IGSF11: variants seen among roughly 807,000 people sequenced by gnomAD.
IGSF11 encodes the protein immunoglobulin superfamily member 11.
In IGSF11, 22 loss-of-function variants were observed where a neutral mutation model predicts 41.0. That is an observed-to-expected ratio of 0.54 (90% CI 0.38 to 0.77). IGSF11 has a LOEUF of 0.77. Among genes scored for constraint, IGSF11 ranks in the 30% least tolerant of loss-of-function variants. The pLI, the probability that IGSF11 is intolerant of heterozygous loss-of-function variation, is 0.00. For synonymous variants in IGSF11, 219 were observed against 201.3 expected (o/e 1.09, Z -0.74); for missense variants, 444 against 530.8 (o/e 0.84, Z 1.61).
In IGSF11 at chr3:118,921,334, G is replaced by A. The variant is rs553887899; in HGVS notation, c.580+4767C>T. Among the ~76,000 whole-genome samples the A allele has an allele frequency of 2.0e-4, 31 of 152,248 alleles. No individual in the cohort carries two copies. The South Asian group carries it at 3.9e-3, about 19-fold the overall frequency. On this transcript the variant is annotated intron_variant, in intron 4 of 6. Coordinates refer to ENST00000393775, the MANE Select transcript of IGSF11 (RefSeq NM_001015887.3). The stretch of plus-strand genomic sequence containing the variant: ...CTTAACAAACATTGGCGGGAGGGAG[G>A]AAGGAAATTTATGCAAGTTACAAAA...
intron 1 of IGSF11, among the ~76,000 whole-genome samples, chr3:119,110,237 A>T (rs945129690): frequency 7.2e-5 from 11 of 152,022 alleles, no homozygotes; most frequent in African/African-American, 2.7e-4. Flanking sequence ...GTCTCTTTGT[A>T]GGTCACTCAG....
chr3:119,000,373 T>C (rs1016603575), intron 1 of IGSF11, among the ~76,000 whole-genome samples: 2 of 150,716 alleles, frequency 1.3e-5, no homozygotes, highest in African/African-American at 4.9e-5. Flanking sequence ...AACTGCCTAA[T>C]TGACACCCTT....
rs1315057144 is a variant in IGSF11 at position 118,900,948 on chromosome 3, C to T, written c.*1572G>A. The T allele has an allele frequency of 1.3e-5, 2 of 152,492 alleles. No homozygotes were observed. Among genetic ancestry groups the T allele is most frequent in the Admixed American group, 6.6e-5 (1 of 15,250 alleles). 9.4% of individuals were successfully genotyped at this position (152,492 alleles called of 1,614,324 possible). A position where few individuals can be genotyped will look rare whatever the true frequency, so the allele number is the denominator to read the frequency against. ...GCAGCTGTTGGTTTCCATTCATTCA[C>T]ATAACTGAAAAAAATGTCAGGAAGC... On this transcript the variant is annotated 3_prime_UTR_variant, in exon 7 of 7. Coordinates refer to ENST00000393775, the MANE Select transcript of IGSF11 (RefSeq NM_001015887.3).
upstream of IGSF11, among the ~76,000 whole-genome samples, chr3:119,109,540 G>C (rs1446939376): frequency 6.6e-6 from 1 of 151,930 alleles, no homozygotes; most frequent in Non-Finnish European, 1.5e-5. Context: ...CGAAAAACCA[G>C]CTCCTGGATT....
intron 1 of IGSF11, among the ~76,000 whole-genome samples, chr3:119,090,554 G>C (rs1216142624): frequency 6.6e-6 from 1 of 152,068 alleles, no homozygotes; most frequent in Non-Finnish European, 1.5e-5. Context: ...TAATGGAACA[G>C]AATTTAAAAA....
intron 1 of IGSF11, among the ~76,000 whole-genome samples, chr3:119,135,486 A>C (rs1173949670): frequency 6.6e-6 from 1 of 152,260 alleles, no homozygotes; most frequent in Non-Finnish European, 1.5e-5. Flanking sequence ...TGGTCATCAG[A>C]GAAATGCAAA....
At chr3:119,094,463 G>A (rs2076816961) in intron 1 of IGSF11, among the ~76,000 whole-genome samples, 1 of 151,822 alleles carries the variant, frequency 6.6e-6, no homozygotes, top group African/African-American at 2.4e-5. Flanking sequence ...CCTTCTGACA[G>A]ATGTAACAAC....
intron 1 of IGSF11, among the ~76,000 whole-genome samples, chr3:119,043,728 A>G (rs1008196221): frequency 6.6e-6 from 1 of 152,170 alleles, no homozygotes; most frequent in Non-Finnish European, 1.5e-5. Flanking sequence ...GGATCACAAC[A>G]TAGGACTTTT....
At chr3:119,137,757 T>C (rs1375024534) in intron 1 of IGSF11, among the ~76,000 whole-genome samples, 3 of 151,790 alleles carry the variant, frequency 2.0e-5, no homozygotes, top group African/African-American at 7.3e-5. Context: ...AAAGAAACAA[T>C]GAAGTGAATA....
chr3:118,987,589 C>CA (rs546341512), intron 1 of IGSF11, among the ~76,000 whole-genome samples: 9 of 152,156 alleles, frequency 5.9e-5, no homozygotes, highest in Non-Finnish European at 1.2e-4. Flanking sequence ...GCTCATCACT[C>CA]AGAGAGTTAA....
Position 119,048,195 on chromosome 3 carries a change from T to C in IGSF11, c.49+56949A>G, listed in dbSNP as rs373887369. Among the ~76,000 whole-genome samples, 79 of 152,138 alleles carry C rather than the reference T, an allele frequency of 5.2e-4. 2 individuals carry two copies. The East Asian group carries it at 7.5e-3, about 15-fold the overall frequency. ...TGACACACAAAACGCTTCAAAAAAT[T>C]AATGAATCCAGGAGCTGGTTTTTTG... On this transcript the variant is annotated intron_variant, in intron 1 of 6. Transcript: ENST00000354673.
At chr3:119,134,425 C>A (rs1576838146) in intron 1 of IGSF11, among the ~76,000 whole-genome samples, 1 of 152,058 alleles carries the variant, frequency 6.6e-6, no homozygotes, top group African/African-American at 2.4e-5. Flanking sequence ...CAATAACAGA[C>A]AAACAGAGAG....
chr3:118,924,985 C>T (rs1942163353), intron 4 of IGSF11, among the ~76,000 whole-genome samples: 1 of 152,106 alleles, frequency 6.6e-6, no homozygotes, highest in African/African-American at 2.4e-5. Context: ...ACAAATCATT[C>T]CACAAAAGCA....
At position 118,905,692 on chromosome 3, in the gene IGSF11, G is replaced by A. The variant is rs779100034; in HGVS notation, c.607C>T (p.Arg203Trp). 6.6e-5 allele frequency: 106 copies of A among 1,613,662 alleles called. No homozygotes were observed. Among genetic ancestry groups the A allele is most frequent in the Non-Finnish European group, 6.3e-5 (74 of 1,179,768 alleles). ...QDQVQGTVTI[R>W]NISALSSGLY... ...CCTGAAGACAGGGCACTGATGTTCC[G>A]GATGGTGACTGTTCCCTGGACCTGG... The change falls in exon 5 of 7, where the codon CGG becomes TGG. Residue 203 changes from arginine to tryptophan, a missense_variant. By Grantham distance (101) the Arg-to-Trp change is moderately radical (BLOSUM62 -3). Around this residue, in one of 3 missense-constraint regions of IGSF11, gnomAD observed 193 missense variants for 283.5 expected, o/e 0.68. Transcript: ENST00000393775.
chr3:118,942,875 G>T (rs1185035934), intron 1 of IGSF11, among the ~76,000 whole-genome samples: 1 of 152,164 alleles, frequency 6.6e-6, no homozygotes, highest in Admixed American at 6.5e-5. Context: ...GGCAGAGGAG[G>T]TAGGAGGGGC....
intron 1 of IGSF11, among the ~76,000 whole-genome samples, chr3:118,942,317 C>CTTTA (rs760517050): frequency 1.1e-4 from 16 of 152,180 alleles, no homozygotes; most frequent in Non-Finnish European, 2.4e-4. Context: ...AATGCCAAAA[C>CTTTA]TTTACTGCAA....
intron 1 of IGSF11, among the ~76,000 whole-genome samples, chr3:119,112,935 A>G (rs1318507571): frequency 6.6e-6 from 1 of 152,204 alleles, no homozygotes; most frequent in Admixed American, 6.5e-5. Context: ...ACTTACAATC[A>G]TGACAGAAAG....
chr3:119,028,742 C>T (rs999851276), intron 1 of IGSF11, among the ~76,000 whole-genome samples: 1 of 151,556 alleles, frequency 6.6e-6, no homozygotes, highest in Admixed American at 6.6e-5. Context: ...TCACCTGTTC[C>T]ACAAAATATT....
At position 118,905,054 on chromosome 3, in the gene IGSF11, C is replaced by T. The variant is rs76462807; in HGVS notation, c.704-256G>A. On this transcript the variant is annotated intron_variant, in intron 5 of 6. Coordinates refer to ENST00000393775, the MANE Select transcript of IGSF11 (RefSeq NM_001015887.3). ...AAATGACTTGCACATTTTAGGAGAA[C>T]AATACCCACATTAGGTAACAGACAG... 1.6e-3 allele frequency among the ~76,000 whole-genome samples: 242 copies of T among 152,262 alleles called. 6 individuals carry two copies. In the East Asian group the frequency reaches 0.043, roughly 27 times the overall value.
Sources: allele counts gnomAD v4.1 joint callset (sites outside exome capture counted in the v4.1 genomes callset), GRCh38; gene constraint gnomAD v4.1.1; regional missense constraint gnomAD v4.1.1; transcripts MANE v1.5; gene names NCBI Gene and HGNC (gene_info 2026-07-23, HGNC 2026-07-21).